MAP3K20: variants seen among roughly 807,000 people sequenced by gnomAD.
MAP3K20 encodes the protein mitogen-activated protein kinase kinase kinase 20.
In MAP3K20, 40 loss-of-function variants were observed where a neutral mutation model predicts 85.7. That is an observed-to-expected ratio of 0.47 (90% CI 0.36 to 0.61). MAP3K20 has a LOEUF of 0.61. Ranked by LOEUF, MAP3K20 falls within the 20% of genes least tolerant of loss-of-function variation. MAP3K20 has a pLI of 0.00. For missense variants in MAP3K20, 817 were observed against 961.7 expected (o/e 0.85, Z 1.99); for synonymous variants, 325 against 327.7 (o/e 0.99, Z 0.09).
rs1685421161 is a variant in MAP3K20, at chr2:173,266,338, C to A, written c.1991C>A (p.Thr664Asn). 6.2e-7 allele frequency: 1 copy of A among 1,614,158 alleles called. No individual in the cohort carries two copies. Among genetic ancestry groups the A allele is most frequent in the Non-Finnish European group, 8.5e-7 (1 of 1,180,024 alleles). Residue 664 changes from threonine (T) to asparagine (N), a missense_variant, in exon 20 of 20, where the codon ACT (threonine) becomes AAT (asparagine). By Grantham distance (65) the Thr-to-Asn change is moderately conservative (BLOSUM62 0). Coordinates refer to ENST00000375213, the MANE Select transcript of MAP3K20 (RefSeq NM_016653.3). ...SRDSGFSSGN[T>N]DTSSERGRYS... ...GACAGTGGCTTTTCCAGTGGCAATACTGACACCTCTTCAGAGAGGGGTCGA... is the reference window on the plus strand; with the variant it reads ...GACAGTGGCTTTTCCAGTGGCAATAATGACACCTCTTCAGAGAGGGGTCGA...
At chr2:173,173,252 G>A (rs114931422) in intron 3 of MAP3K20, among the ~76,000 whole-genome samples, 1,527 of 151,340 alleles carry the variant, frequency 0.01, 24 homozygotes, top group African/African-American at 0.035. Context: ...GATGAAGGAA[G>A]GAGTTGCTGG....
intron 2 of MAP3K20, among the ~76,000 whole-genome samples, chr2:173,147,376 A>C (rs1689165606): frequency 6.6e-6 from 1 of 152,166 alleles, no homozygotes; most frequent in Non-Finnish European, 1.5e-5. Flanking sequence ...GAAGGGATCT[A>C]ACTTTATTTT....
At chr2:173,121,936 T>C (rs1688306459) in intron 2 of MAP3K20, among the ~76,000 whole-genome samples, 1 of 152,180 alleles carries the variant, frequency 6.6e-6, no homozygotes, top group Non-Finnish European at 1.5e-5. Flanking sequence ...CATGGCCCCA[T>C]TGAGTAAGCC....
chr2:173,239,518 T>G (rs762336920), intron 16 of MAP3K20, 22 bp downstream of exon 16: 1 of 1,604,994 alleles, frequency 6.2e-7, no homozygotes, highest in Non-Finnish European at 8.5e-7. Flanking sequence ...TTTAAATCCT[T>G]TGGATAAATC....
At chr2:173,154,591 A>G (rs1689407580) in intron 2 of MAP3K20, among the ~76,000 whole-genome samples, 1 of 152,198 alleles carries the variant, frequency 6.6e-6, no homozygotes, top group Admixed American at 6.5e-5. Context: ...GTTATGTGGC[A>G]TCTTGTTAAT....
At chr2:173,232,992 T>C (rs1353097819) in intron 14 of MAP3K20, among the ~76,000 whole-genome samples, 1 of 152,202 alleles carries the variant, frequency 6.6e-6, no homozygotes, top group African/African-American at 2.4e-5. Flanking sequence ...ATACATGGTA[T>C]AGTAGGACTC....
intron 2 of MAP3K20, among the ~76,000 whole-genome samples, chr2:173,104,678 C>A (rs1469241735): frequency 1.3e-5 from 2 of 152,158 alleles, no homozygotes; most frequent in Non-Finnish European, 2.9e-5. Flanking sequence ...ACCATCTTTG[C>A]AACCTTTCTG....
chr2:173,144,032 A>C (rs1424478093), intron 2 of MAP3K20, among the ~76,000 whole-genome samples: 1 of 152,164 alleles, frequency 6.6e-6, no homozygotes, highest in South Asian at 2.1e-4. Flanking sequence ...ATGTATAATC[A>C]TGCCTATAAT....
chr2:173,193,637 T>C (rs534740444), intron 7 of MAP3K20, among the ~76,000 whole-genome samples: 58 of 152,338 alleles, frequency 3.8e-4, no homozygotes, highest in African/African-American at 1.2e-3. Context: ...ATTTTTTTCC[T>C]GTATCATTTT....
At chr2:173,096,682 A>G (rs1687471614) in intron 2 of MAP3K20, among the ~76,000 whole-genome samples, 1 of 152,188 alleles carries the variant, frequency 6.6e-6, no homozygotes, top group Admixed American at 6.5e-5. Context: ...CATATCACAC[A>G]ACACTAATTT....
chr2:173,131,735 G>C (rs1386943860), intron 2 of MAP3K20, among the ~76,000 whole-genome samples: 2 of 152,112 alleles, frequency 1.3e-5, no homozygotes, highest in Non-Finnish European at 2.9e-5. Context: ...GTTCTCTAAG[G>C]GTCTGCTCAG....
intron 7 of MAP3K20, among the ~76,000 whole-genome samples, chr2:173,195,608 T>C (rs1415794534): frequency 6.6e-6 from 1 of 152,208 alleles, no homozygotes; most frequent in Non-Finnish European, 1.5e-5. Flanking sequence ...CTCAGTAAAG[T>C]TACTTTTGTA....
At chr2:173,094,466 T>C (rs1183765316) in intron 2 of MAP3K20, among the ~76,000 whole-genome samples, 1 of 152,210 alleles carries the variant, frequency 6.6e-6, no homozygotes, top group South Asian at 2.1e-4. Flanking sequence ...TTGCCAACTT[T>C]TGCAATGCGA....
chr2:173,121,676 C>T (rs537984092), intron 2 of MAP3K20, among the ~76,000 whole-genome samples: 7 of 152,226 alleles, frequency 4.6e-5, no homozygotes, highest in South Asian at 4.2e-4. Context: ...CGTGAGCCAC[C>T]GCGCCCGGCT....
At chr2:173,259,220 G>A (rs867005619) in intron 17 of MAP3K20, among the ~76,000 whole-genome samples, 2 of 152,264 alleles carry the variant, frequency 1.3e-5, no homozygotes, top group Middle Eastern at 6.8e-3. Context: ...GAAGGACTGA[G>A]ATGAGGTTAA....
chr2:173,208,541 T>C (rs766945694), intron 9 of MAP3K20, among the ~76,000 whole-genome samples: 10 of 152,214 alleles, frequency 6.6e-5, no homozygotes, highest in Non-Finnish European at 1.5e-4. Flanking sequence ...GCTTAATATA[T>C]ATCAGTAACA....
intron 2 of MAP3K20, among the ~76,000 whole-genome samples, chr2:173,159,275 C>T (rs1188064342): frequency 3.3e-5 from 5 of 151,938 alleles, no homozygotes; most frequent in Non-Finnish European, 7.4e-5. Flanking sequence ...AGTTGTTTGA[C>T]AGAAAGCCGA....
At position 173,082,910 on chromosome 2, in the gene MAP3K20, C is replaced by T. The variant is rs149706327; in HGVS notation, c.-35+6908C>T. The stretch of plus-strand genomic sequence containing the variant: ...TGGCGTTAAGTGCTCCCACCAACTA[C>T]ATTCCTGTGCCTCCCATCTTTTACT... On this transcript the variant is annotated intron_variant, in intron 1 of 19. Transcript: ENST00000375213. Among the ~76,000 whole-genome samples the T allele has an allele frequency of 2.2e-3, 333 of 152,378 alleles. 1 individual carries two copies. Among genetic ancestry groups the T allele is most frequent in the African/African-American group, 7.2e-3 (300 of 41,598 alleles).
At chr2:173,246,576 G>GT (rs1159493918) in intron 16 of MAP3K20, among the ~76,000 whole-genome samples, 1 of 152,164 alleles carries the variant, frequency 6.6e-6, no homozygotes, top group East Asian at 1.9e-4. Context: ...TCACCCAGCA[G>GT]TTTTCTCACC....
Sources: allele counts gnomAD v4.1 joint callset (sites outside exome capture counted in the v4.1 genomes callset), GRCh38; gene constraint gnomAD v4.1.1; transcripts MANE v1.5; gene names NCBI Gene and HGNC (gene_info 2026-07-23, HGNC 2026-07-21).